SMTNL1: variants seen among roughly 807,000 people sequenced by gnomAD.
The protein encoded by SMTNL1 is smoothelin like 1.
A neutral mutation model predicts 46.6 loss-of-function variants in SMTNL1; 41 were observed. The ratio of observed to expected loss-of-function variants is 0.88; its 90% CI spans 0.69 to 1.14. The LOEUF (loss-of-function observed/expected upper bound fraction) is 1.14, where lower values mean the gene tolerates loss of function less well. SMTNL1 is among the 50% of genes most tolerant of loss of function. The probability of loss-of-function intolerance (pLI) is 0.00; values close to 1 mark genes in which losing one functional copy is unlikely to be tolerated. For synonymous variants in SMTNL1, 234 were observed against 234.2 expected (o/e 1.00, Z 0.01); for missense variants, 591 against 626.1 (o/e 0.94, Z 0.60).
chr11:57,540,061 T>C (rs1565153656), intron 1 of SMTNL1, among the ~76,000 whole-genome samples: 1 of 151,628 alleles, frequency 6.6e-6, no homozygotes, highest in Non-Finnish European at 1.5e-5. Flanking sequence ...GAGAGAGTGG[T>C]AGATGCTCCT....
At chr11:57,545,835 T>G in intron 4 of SMTNL1, 46 bp from the exon 5 acceptor site, 4 of 1,563,902 alleles carry the variant, frequency 2.6e-6, no homozygotes, top group Non-Finnish European at 3.5e-6. Context: ...TGTCCTGCAG[T>G]GCTGGTCCCA....
At chr11:57,539,115 G>A (rs545212821) in intron 1 of SMTNL1, among the ~76,000 whole-genome samples, 1 of 152,228 alleles carries the variant, frequency 6.6e-6, no homozygotes, top group East Asian at 1.9e-4. Context: ...TTAGGAGGCC[G>A]AGGCAGGAGG....
rs1483479434 is a variant in SMTNL1, at chr11:57,543,248, G to A, written c.606G>A (p.Ser202=). The A allele has an allele frequency of 1.2e-5, 20 of 1,613,846 alleles. No individual in the cohort carries two copies. Among genetic ancestry groups the A allele is most frequent in the African/African-American group, 6.7e-5 (5 of 74,922 alleles). The change falls in exon 2 of 8, where the codon TCG becomes TCA. Residue 202 remains serine (S), a synonymous_variant. Transcript: ENST00000527972. ...KATDEEAKAE[S]QKAVVEDEAK... ...CTGATGAAGAGGCCAAGGCTGAATCGCAGAAGGCTGTTGTGGAGGATGAGG... is the reference window on the plus strand; with the variant it reads ...CTGATGAAGAGGCCAAGGCTGAATCACAGAAGGCTGTTGTGGAGGATGAGG...
At chr11:57,548,444 G>T (rs1435359952) in intron 7 of SMTNL1, among the ~76,000 whole-genome samples, 1 of 152,056 alleles carries the variant, frequency 6.6e-6, no homozygotes, top group Non-Finnish European at 1.5e-5. Flanking sequence ...CCGAGGCGTG[G>T]GGATCACTTG....
chr11:57,540,164 G>A (rs1400352838), intron 1 of SMTNL1, among the ~76,000 whole-genome samples: 2 of 152,128 alleles, frequency 1.3e-5, no homozygotes, highest in East Asian at 1.9e-4. Flanking sequence ...GTTAAATGAA[G>A]TTTAAGCAAG....
chr11:57,542,137 C>CA (rs1253813381), intron 1 of SMTNL1, among the ~76,000 whole-genome samples: 82 of 148,116 alleles, frequency 5.5e-4, no homozygotes, highest in East Asian at 7.8e-4. Context: ...CACACACACA[C>CA]ACACACAAAA....
chr11:57,548,855 C>T (rs900662109), intron 7 of SMTNL1, among the ~76,000 whole-genome samples: 4 of 151,980 alleles, frequency 2.6e-5, no homozygotes, highest in Non-Finnish European at 5.9e-5. Context: ...CATGAGAGTG[C>T]AGAAGTTTTG....
intron 4 of SMTNL1, 32 bp from the exon 5 acceptor site, chr11:57,545,849 T>C (rs747046643): frequency 1.3e-6 from 2 of 1,578,596 alleles, no homozygotes. Flanking sequence ...GGTCCCAGCC[T>C]CTCTCACACG....
chr11:57,541,918 T>C (rs1243128178), intron 1 of SMTNL1, among the ~76,000 whole-genome samples: 4 of 152,082 alleles, frequency 2.6e-5, no homozygotes, highest in African/African-American at 9.7e-5. Flanking sequence ...TAGATACTTC[T>C]GCTTGCCTAG....
chr11:57,548,886 C>A (rs766945313), intron 7 of SMTNL1, among the ~76,000 whole-genome samples: 6 of 152,094 alleles, frequency 3.9e-5, no homozygotes, highest in Non-Finnish European at 7.4e-5. Flanking sequence ...CTGATGAATT[C>A]TCAGAGCCTG....
In SMTNL1 at chr11:57,542,699, G is replaced by A. The variant is rs776778790; in HGVS notation, c.57G>A (p.Ala19=). ...ATGGGACCACCGTCTCCCCAGCTGC[G>A]GACAACCCTGAGATGTCAGGAGGTG... ...SEDGTTVSPA[A]DNPEMSGGGA... is the part of the protein sequence containing the mutation. The change falls in exon 2 of 8, where the codon GCG becomes GCA. Residue 19 remains alanine (A), a synonymous_variant. Transcript: ENST00000527972. 64 of 1,613,728 alleles carry A rather than the reference G, an allele frequency of 4.0e-5. No homozygotes were observed. The highest frequency in any genetic ancestry group is 9.3e-5 in the African/African-American group (7 of 74,924).
At position 57,542,832 on chromosome 11, in the gene SMTNL1, G is replaced by A. The variant is rs774197404; in HGVS notation, c.190G>A (p.Ala64Thr). 4.3e-6 allele frequency: 7 copies of A among 1,613,534 alleles called. No homozygotes were observed. The highest frequency in any genetic ancestry group is 3.4e-6 in the Non-Finnish European group (4 of 1,179,702). ...GGCACCAGCCGAGGACGGCATGTCA[G>A]CAGAACTCCAGGGGGAAGCAAATGG... ...EKAPAEDGMSAELQGEANGLD... is the reference protein window; with the variant it reads ...EKAPAEDGMSTELQGEANGLD... Residue 64 changes from alanine (A) to threonine (T), a missense_variant, in exon 2 of 8, where the codon GCA becomes ACA. Ala to Thr is a moderately conservative substitution (Grantham distance 58). Coordinates refer to ENST00000527972, the MANE Select transcript of SMTNL1 (RefSeq NM_001105565.3).
In SMTNL1 at chr11:57,544,293, T is replaced by C. The variant is rs538065664; in HGVS notation, c.917+373T>C. On this transcript the variant is annotated intron_variant, in intron 4 of 7. Transcript: ENST00000527972. ...TACTCGGGAGGCTGAGGCAGGATAA[T>C]TACTTGAACCCAGGAGGTGGAGGTT... Among the ~76,000 whole-genome samples the C allele has an allele frequency of 1.1e-4, 16 of 152,264 alleles. No homozygotes were observed. The South Asian group carries it at 1.5e-3, about 14-fold the overall frequency.
chr11:57,538,641 A>G (rs77368088), intron 1 of SMTNL1, among the ~76,000 whole-genome samples: 14,502 of 152,162 alleles, frequency 0.095, 774 homozygotes, highest in Middle Eastern at 0.23. Context: ...CATATATTTG[A>G]TGTGAGCTCT....
At chr11:57,542,314 A>G (rs1944886122) in intron 1 of SMTNL1, among the ~76,000 whole-genome samples, 1 of 152,172 alleles carries the variant, frequency 6.6e-6, no homozygotes, top group Non-Finnish European at 1.5e-5. Context: ...TAAATAATAC[A>G]ATAAAATTGT....
At chr11:57,548,689 C>T (rs945788611) in intron 7 of SMTNL1, among the ~76,000 whole-genome samples, 1 of 151,988 alleles carries the variant, frequency 6.6e-6, no homozygotes, top group Non-Finnish European at 1.5e-5. Flanking sequence ...TAAATAAATA[C>T]ATTAAAAATA....
chr11:57,543,747 C>T lies in SMTNL1; in HGVS notation c.856C>T (p.Leu286Phe). Residue 286 changes from leucine to phenylalanine, a missense_variant, in exon 3 of 8, where the codon CTC becomes TTC. Transcript: ENST00000527972. ...GAGCCCCACTGGGGAGGGGCACAAC[C>T]TCAGCACAGGTGAGTGAGAGCCCAG... The part of the protein sequence containing the change: ...PESPTGEGHN[L>F]STDGLGPDCV... The T allele has an allele frequency of 1.9e-6, 3 of 1,560,584 alleles. No homozygotes were observed. Among genetic ancestry groups the T allele is most frequent in the Non-Finnish European group, 1.7e-6 (2 of 1,152,244 alleles).
rs1590805671 is a variant in SMTNL1, at chr11:57,550,219, G to A, written c.*107G>A. 6 of 1,228,516 alleles carry A rather than the reference G, an allele frequency of 4.9e-6. No individual in the cohort carries two copies. In the East Asian group the frequency reaches 1.0e-4, roughly 21 times the overall value. The allele number at this position is 1,228,516 out of a possible 1,614,324, so 76.1% of individuals were successfully genotyped here. On this transcript the variant is annotated 3_prime_UTR_variant, in exon 8 of 8. Transcript: ENST00000527972. ...GGAGGCACCAGAGCCAGGGGCTTAGGCAAGGGTGTGTGGCGTTGGTTTTAA... is the reference window on the plus strand; with the variant it reads ...GGAGGCACCAGAGCCAGGGGCTTAGACAAGGGTGTGTGGCGTTGGTTTTAA...
intron 4 of SMTNL1, among the ~76,000 whole-genome samples, chr11:57,544,838 A>ATTT (rs766314304): frequency 0.033 from 4,521 of 136,510 alleles, 144 homozygotes; most frequent in African/African-American, 0.074. Flanking sequence ...TCCTCCCCCC[A>ATTT]TTTTTTTTTT....
Sources: gnomAD v4.1 joint callset for allele counts (sites outside exome capture counted in the v4.1 genomes callset) on GRCh38, gnomAD v4.1.1 for gene constraint, MANE v1.5 for transcripts, NCBI Gene and HGNC (gene_info 2026-07-23, HGNC 2026-07-21) for gene names.